PTPN14: variants seen among roughly 807,000 people sequenced by gnomAD.
PTPN14 encodes protein tyrosine phosphatase non-receptor type 14.
PTPN14 carries 53 observed loss-of-function variants against 126.8 expected under a neutral mutation model. That is an observed-to-expected ratio of 0.42 (90% confidence interval 0.34 to 0.53). The LOEUF (loss-of-function observed/expected upper bound fraction) is 0.53. Among genes scored for constraint, PTPN14 ranks in the 20% least tolerant of loss-of-function variants. PTPN14 has a pLI of 0.08. For missense variants in PTPN14, 1,257 were observed against 1,552.9 expected (o/e 0.81, Z 3.20); for synonymous variants, 630 against 599.3 (o/e 1.05, Z -0.75).
chr1:214,385,212 T>C (rs1224056229), intron 12 of PTPN14, among the ~76,000 whole-genome samples: 1 of 152,158 alleles, frequency 6.6e-6, no homozygotes, highest in African/African-American at 2.4e-5. Flanking sequence ...AATTACTAAG[T>C]GCTCAGAGCT....
In PTPN14 at chr1:214,532,762, A is replaced by G. The variant is rs1333689611; in HGVS notation, c.-155+18421T>C. ...CAAGGTCACTGATGACACCAATGTCACTTGGCCACAGCTGGAGACAGAGAT... is the reference window on the plus strand; with the variant it reads ...CAAGGTCACTGATGACACCAATGTCGCTTGGCCACAGCTGGAGACAGAGAT... On this transcript the variant is annotated intron_variant, in intron 1 of 18. Coordinates refer to ENST00000366956, the MANE Select transcript of PTPN14 (RefSeq NM_005401.5). 4.9e-6 allele frequency: 4 copies of G among 809,534 alleles called. No individual in the cohort carries two copies. The African/African-American group carries it at 5.0e-5, about 10-fold the overall frequency. 50.1% of individuals were successfully genotyped at this position (809,534 alleles called of 1,614,324 possible).
intron 2 of PTPN14, among the ~76,000 whole-genome samples, chr1:214,460,555 A>ACACACG (rs1558112469): frequency 6.7e-6 from 1 of 150,140 alleles, no homozygotes. Flanking sequence ...ACACACACAC[A>ACACACG]GATCAGTGCA....
intron 1 of PTPN14, among the ~76,000 whole-genome samples, chr1:214,542,100 T>TAC (rs1286045260): frequency 1.3e-4 from 20 of 152,216 alleles, no homozygotes; most frequent in African/African-American, 3.9e-4. Context: ...ATACTTTTAC[T>TAC]ACACACACAC....
chr1:214,470,224 G>C (rs1660723515), intron 1 of PTPN14, among the ~76,000 whole-genome samples: 1 of 152,126 alleles, frequency 6.6e-6, no homozygotes, highest in African/African-American at 2.4e-5. Flanking sequence ...AGGAATTTGA[G>C]ACTGCAGTGA....
intron 3 of PTPN14, among the ~76,000 whole-genome samples, chr1:214,416,838 T>A (rs768635741): frequency 1.3e-5 from 2 of 152,186 alleles, no homozygotes; most frequent in African/African-American, 2.4e-5. Flanking sequence ...CTATCGAATA[T>A]GATGACTAAA....
chr1:214,454,075 A>G (rs2102637988), intron 2 of PTPN14, among the ~76,000 whole-genome samples: 1 of 152,306 alleles, frequency 6.6e-6, no homozygotes, highest in Admixed American at 6.5e-5. Flanking sequence ...AGGGTATTCC[A>G]CGGTATTTTG....
chr1:214,442,633 T>C (rs1339874673), intron 3 of PTPN14, among the ~76,000 whole-genome samples: 1 of 152,182 alleles, frequency 6.6e-6, no homozygotes, highest in Non-Finnish European at 1.5e-5. Flanking sequence ...CAAGTGATAT[T>C]ACAAAAGAAC....
At chr1:214,513,233 C>T (rs1655019706) in intron 1 of PTPN14, among the ~76,000 whole-genome samples, 2 of 152,128 alleles carry the variant, frequency 1.3e-5, no homozygotes, top group Non-Finnish European at 2.9e-5. Flanking sequence ...AATATTCATT[C>T]AATCATCTGT....
intron 10 of PTPN14, among the ~76,000 whole-genome samples, chr1:214,392,997 C>T (rs1196217062): frequency 6.6e-6 from 1 of 152,192 alleles, no homozygotes; most frequent in Admixed American, 6.5e-5. Flanking sequence ...GCCCAAACCG[C>T]TGAATGTATT....
At chr1:214,405,504 C>T (rs986947458) in intron 5 of PTPN14, among the ~76,000 whole-genome samples, 1 of 151,694 alleles carries the variant, frequency 6.6e-6, no homozygotes, top group Non-Finnish European at 1.5e-5. Flanking sequence ...ACTCACTATG[C>T]GACATGTAAA....
chr1:214,442,740 C>A (rs1280511120), intron 3 of PTPN14, among the ~76,000 whole-genome samples: 1 of 151,948 alleles, frequency 6.6e-6, no homozygotes, highest in Non-Finnish European at 1.5e-5. Context: ...GCTAAGTTAA[C>A]TTCATCTTAT....
In PTPN14 at chr1:214,476,279, C is replaced by A. The variant is rs115772486; in HGVS notation, c.-154-11322G>T. Among the ~76,000 whole-genome samples the A allele has an allele frequency of 5.8e-3, 877 of 152,312 alleles. 9 individuals are homozygous for A. Among genetic ancestry groups the A allele is most frequent in the African/African-American group, 0.02 (846 of 41,568 alleles). On this transcript the variant is annotated intron_variant, in intron 1 of 18. Transcript: ENST00000366956. ...AATTTGAAAAACACAATCACAAAAG[C>A]AAATGGAAAGGTTTTCCAGCCAGGG... is the stretch of plus-strand genomic sequence containing the variant.
At chr1:214,426,370 A>G (rs1659665219) in intron 3 of PTPN14, among the ~76,000 whole-genome samples, 1 of 152,178 alleles carries the variant, frequency 6.6e-6, no homozygotes, top group South Asian at 2.1e-4. Flanking sequence ...CTAGGATTAA[A>G]GGAGGAGATA....
chr1:214,448,191 C>A (rs539220128), intron 3 of PTPN14, among the ~76,000 whole-genome samples: 9 of 152,218 alleles, frequency 5.9e-5, no homozygotes, highest in African/African-American at 2.2e-4. Context: ...TTCATTGATT[C>A]CTGAGGCTGG....
chr1:214,500,554 T>C (rs1488621183), intron 1 of PTPN14, among the ~76,000 whole-genome samples: 1 of 152,166 alleles, frequency 6.6e-6, no homozygotes, highest in East Asian at 1.9e-4. Context: ...GCTTGAGGCA[T>C]CGGCTCACTG....
chr1:214,398,578 C>G (rs1306255720), intron 7 of PTPN14, among the ~76,000 whole-genome samples: 1 of 149,476 alleles, frequency 6.7e-6, no homozygotes, highest in Non-Finnish European at 1.5e-5. Flanking sequence ...TCCCAAGTAG[C>G]TGGGACTACA....
chr1:214,421,627 T>A (rs1659545994), intron 3 of PTPN14, among the ~76,000 whole-genome samples: 1 of 152,106 alleles, frequency 6.6e-6, no homozygotes, highest in South Asian at 2.1e-4. Flanking sequence ...ATGATCCTAA[T>A]CAGGAAAAAA....
intron 1 of PTPN14, among the ~76,000 whole-genome samples, chr1:214,523,641 T>A (rs1655316399): frequency 6.6e-6 from 1 of 152,152 alleles, no homozygotes; most frequent in South Asian, 2.1e-4. Flanking sequence ...ACCACAGATT[T>A]GACAACTAGG....
At chr1:214,540,623 G>C (rs1319009346) in intron 1 of PTPN14, among the ~76,000 whole-genome samples, 1 of 152,098 alleles carries the variant, frequency 6.6e-6, no homozygotes, top group East Asian at 1.9e-4. Context: ...TCACAGCCTA[G>C]AGCTACTTCC....
Sources: allele counts gnomAD v4.1 joint callset (sites outside exome capture counted in the v4.1 genomes callset), GRCh38; gene constraint gnomAD v4.1.1; transcripts MANE v1.5; gene names NCBI Gene and HGNC (gene_info 2026-07-23, HGNC 2026-07-21).